PCM1: variants seen among roughly 807,000 people sequenced by gnomAD.
PCM1 encodes pericentriolar material 1, also known as pericentriolar material 1 protein.
Under a neutral mutation model 241.9 loss-of-function variants are expected in PCM1, and 157 were observed. The ratio of observed to expected loss-of-function variants is 0.65; its 90% CI spans 0.57 to 0.74. The LOEUF (loss-of-function observed/expected upper bound fraction) is 0.74. Among genes scored for constraint, PCM1 ranks in the 30% least tolerant of loss-of-function variants. The pLI is 0.00. For synonymous variants in PCM1, 1,085 were observed against 784.9 expected, an observed-to-expected ratio of 1.38 and a Z score of -6.39; for missense variants, 3,478 against 2,360.1, an observed-to-expected ratio of 1.47 and a Z score of -9.81.
chr8:18,016,429 CAGAGA>C (rs67529415), intron 36 of PCM1, among the ~76,000 whole-genome samples: 69,644 of 151,560 alleles, frequency 0.46, 17,570 homozygotes, highest in Middle Eastern at 0.6. Context: ...TACACTTTAC[CAGAGA>C]AGAGAAGAGT....
At position 17,928,030 on chromosome 8, in the gene PCM1, G is replaced by C. The variant is rs563291349; in HGVS notation, c.-23+3250G>C. 5.3e-5 allele frequency: 8 copies of C among 151,464 alleles called. No individual in the cohort carries two copies. The East Asian group carries it at 1.2e-3, about 22-fold the overall frequency. 9.4% of individuals were successfully genotyped at this position (151,464 alleles called of 1,614,324 possible). A position where few individuals can be genotyped will look rare whatever the true frequency, so the allele number is the denominator to read the frequency against. On this transcript the variant is annotated intron_variant, in intron 2 of 38. Transcript: ENST00000325083. ...AACTTCGTTTAGTAAGGCATAGCAT[G>C]AGTAGAAGTGCGTGTTTAAAGTAGA...
intron 38 of PCM1, among the ~76,000 whole-genome samples, chr8:18,026,851 C>G (rs1205896956): frequency 2.0e-5 from 3 of 152,118 alleles, no homozygotes; most frequent in Non-Finnish European, 4.4e-5. Context: ...CAGTTTTACC[C>G]ATATTCTTAC....
At chr8:17,987,451 T>C (rs1169298587) in intron 26 of PCM1, among the ~76,000 whole-genome samples, 1 of 151,828 alleles carries the variant, frequency 6.6e-6, no homozygotes. Context: ...TTGGAGCACA[T>C]TGGTTTGCAC....
intron 22 of PCM1, among the ~76,000 whole-genome samples, chr8:17,972,077 A>G (rs208043): frequency 6.6e-6 from 1 of 152,170 alleles, no homozygotes; most frequent in South Asian, 2.1e-4. Context: ...TCCATTGCTA[A>G]TGCTAGATCT....
intron 26 of PCM1, among the ~76,000 whole-genome samples, chr8:17,989,299 G>A (rs780399309): frequency 1.4e-4 from 21 of 151,962 alleles, no homozygotes; most frequent in Non-Finnish European, 2.9e-4. Flanking sequence ...GTAGAGGGTT[G>A]TGAAGAAACG....
chr8:17,923,852 C>T (rs987525294), intron 1 of PCM1, among the ~76,000 whole-genome samples: 1 of 152,110 alleles, frequency 6.6e-6, no homozygotes, highest in Non-Finnish European at 1.5e-5. Context: ...CCGGGAAAGA[C>T]TAAATGCCAA....
chr8:17,943,783 G>A (rs947375436), intron 6 of PCM1, among the ~76,000 whole-genome samples: 1 of 152,022 alleles, frequency 6.6e-6, no homozygotes, highest in African/African-American at 2.4e-5. Flanking sequence ...TGCAGGAACT[G>A]TCATTCTTAC....
chr8:17,968,926 CCT>C (rs1414578361), intron 21 of PCM1, among the ~76,000 whole-genome samples: 5 of 152,048 alleles, frequency 3.3e-5, no homozygotes, highest in African/African-American at 1.2e-4. Flanking sequence ...AAATGCTCTT[CCT>C]TTTTACTAAA....
chr8:18,006,296 C>T lies in PCM1; in HGVS notation c.4861C>T (p.Leu1621=), dbSNP rs747552855. 6.2e-7 allele frequency: 1 copy of T among 1,612,166 alleles called. No individual in the cohort carries two copies. The highest frequency in any genetic ancestry group is 2.2e-5 in the East Asian group (1 of 44,848). The change falls in exon 30 of 39, where the codon CTA becomes TTA. Residue 1621 remains leucine (L), a synonymous_variant. Transcript: ENST00000325083. ...GGATGAAGTATGCTCCTCGCAGCTT[C>T]TAACTTCAGTAAGGCGCATGGTTTT... is the stretch of plus-strand genomic sequence containing the variant. ...HMDEVCSSQL[L]TSVRRMVLTL...
chr8:17,990,362 A>C (rs1341129354), intron 27 of PCM1, among the ~76,000 whole-genome samples: 1 of 152,050 alleles, frequency 6.6e-6, no homozygotes, highest in Non-Finnish European at 1.5e-5. Context: ...CATATTTTTA[A>C]TAAAAATATT....
At chr8:18,013,682 A>C (rs187200378) in intron 34 of PCM1, 2 of 275,228 alleles carry the variant, frequency 7.3e-6, no homozygotes, top group South Asian at 2.6e-4. Context: ...TCTTGTCTGC[A>C]TTAAGTGTCT....
In PCM1 at chr8:17,992,053, G is replaced by A. The variant is rs113857158; in HGVS notation, c.4690+353G>A. Among the ~76,000 whole-genome samples the A allele has an allele frequency of 8.7e-3, 1,329 of 152,224 alleles. 14 individuals carry two copies. Among genetic ancestry groups the A allele is most frequent in the African/African-American group, 0.029 (1,208 of 41,532 alleles). ...TTACTTTGTTCCTTTTTATGGCTAA[G>A]TAGTATGCTGTGGTGTATAAATAAA... On this transcript the variant is annotated intron_variant, in intron 28 of 38. Coordinates refer to ENST00000325083, the MANE Select transcript of PCM1 (RefSeq NM_006197.4).
chr8:17,935,601 TA>T lies in PCM1; in HGVS notation c.-7del. 1.5e-6 allele frequency: 2 copies of T among 1,306,302 alleles called. No homozygotes were observed. Among genetic ancestry groups the T allele is most frequent in the Non-Finnish European group, 2.2e-6 (2 of 900,618 alleles). The allele number at this position is 1,306,302 out of a possible 1,614,324, so 80.9% of individuals were successfully genotyped here. ...ACTTGTTTCGCAGAGAGTTAATTGT[TA>T]AATCCAGTATGGCCACAGGAGGAGG... On this transcript the variant is annotated 5_prime_UTR_variant, in exon 3 of 39. Coordinates refer to ENST00000325083, the MANE Select transcript of PCM1 (RefSeq NM_006197.4).
At chr8:17,994,997 G>T (rs2086152125) in intron 29 of PCM1, among the ~76,000 whole-genome samples, 1 of 151,356 alleles carries the variant, frequency 6.6e-6, no homozygotes. Flanking sequence ...TTTGTTGTTT[G>T]TTTCTTTTCT....
At chr8:18,016,619 A>G (rs1192203715) in intron 36 of PCM1, among the ~76,000 whole-genome samples, 1 of 152,378 alleles carries the variant, frequency 6.6e-6, no homozygotes, top group African/African-American at 2.4e-5. Context: ...GCTAAAGGCA[A>G]ATAAGACAGA....
At chr8:17,979,025 G>A (rs867899379) in intron 23 of PCM1, among the ~76,000 whole-genome samples, 4 of 151,988 alleles carry the variant, frequency 2.6e-5, no homozygotes, top group African/African-American at 2.4e-5. Flanking sequence ...TTGGGAGGGC[G>A]AGGCAGTTGG....
intron 36 of PCM1, among the ~76,000 whole-genome samples, chr8:18,024,484 C>T (rs1343799150): frequency 1.3e-5 from 2 of 152,128 alleles, no homozygotes; most frequent in Non-Finnish European, 2.9e-5. Context: ...CTTTTGTTTG[C>T]CTCACTACGA....
At chr8:17,935,771 G>C (rs979502970) in intron 3 of PCM1, 65 bp downstream of exon 3, 1 of 789,078 alleles carries the variant, frequency 1.3e-6, no homozygotes, top group Non-Finnish European at 2.2e-6. Context: ...TTTTCCCCCT[G>C]ACCAAATTTA....
chr8:17,939,206 G>C (rs909901882), intron 5 of PCM1, among the ~76,000 whole-genome samples, 197 bp downstream of exon 5: 3 of 152,106 alleles, frequency 2.0e-5, no homozygotes, highest in Admixed American at 2.0e-4. Context: ...TTTAGAAATG[G>C]CATATTCAGG....
Sources: gnomAD v4.1 joint callset for allele counts (sites outside exome capture counted in the v4.1 genomes callset) on GRCh38, gnomAD v4.1.1 for gene constraint, MANE v1.5 for transcripts, NCBI Gene and HGNC (gene_info 2026-07-23, HGNC 2026-07-21) for gene names.